The following THSD4 variants were observed in gnomAD, a reference collection of about 807,000 sequenced individuals.
THSD4 encodes thrombospondin type 1 domain containing 4, also known as thrombospondin type-1 domain-containing protein 4.
Under a neutral mutation model 119.0 loss-of-function variants are expected in THSD4, and 69 were observed. The ratio of observed to expected loss-of-function variants is 0.58; its 90% CI spans 0.48 to 0.71. The LOEUF is 0.71. THSD4 is among the 30% of genes least tolerant of loss of function. The probability of loss-of-function intolerance (pLI) is 0.00; values close to 1 mark genes in which losing one functional copy is unlikely to be tolerated. For missense variants in THSD4, 1,393 were observed against 1,391.1 expected, an observed-to-expected ratio of 1.00 and a Z score of -0.02; for synonymous variants, 524 against 540.4, an observed-to-expected ratio of 0.97 and a Z score of 0.42.
chr15:71,543,918 C>T (rs183554444), intron 7 of THSD4, among the ~76,000 whole-genome samples: 77 of 152,264 alleles, frequency 5.1e-4, no homozygotes, highest in Middle Eastern at 3.4e-3. Context: ...ATCCCAGCTA[C>T]TCGGGAGGCT....
intron 6 of THSD4, among the ~76,000 whole-genome samples, chr15:71,296,794 G>GTTGA (rs1321197413): frequency 6.6e-6 from 1 of 152,114 alleles, no homozygotes; most frequent in Non-Finnish European, 1.5e-5. Flanking sequence ...CAGTCATTTT[G>GTTGA]GTAACTTGTT....
At chr15:71,749,039 A>G (rs1227608931) in intron 14 of THSD4, among the ~76,000 whole-genome samples, 2 of 152,368 alleles carry the variant, frequency 1.3e-5, no homozygotes, top group African/African-American at 2.4e-5. Flanking sequence ...AGGCATATAT[A>G]GTCAACCATT....
intron 6 of THSD4, among the ~76,000 whole-genome samples, chr15:71,302,938 C>T (rs565913207): frequency 6.6e-6 from 1 of 152,068 alleles, no homozygotes; most frequent in African/African-American, 2.4e-5. Flanking sequence ...TACTTCCCTG[C>T]GAGTTCTTGG....
Position 71,206,647 on chromosome 15 carries a change from A to G in THSD4, c.100-8388A>G, listed in dbSNP as rs148660897. Among the ~76,000 whole-genome samples the G allele has an allele frequency of 2.8e-3, 433 of 152,324 alleles. 4 individuals carry two copies. Among genetic ancestry groups the G allele is most frequent in the African/African-American group, 9.8e-3 (406 of 41,560 alleles). ...GAATTAGAAACCAGTGAAACCTTAC[A>G]TGATTTCACATTAGTACAGAAACCA... On this transcript the variant is annotated intron_variant, in intron 3 of 17. Coordinates refer to ENST00000261862, the MANE Select transcript of THSD4 (RefSeq NM_024817.3).
chr15:71,434,488 A>G (rs1394569940), intron 7 of THSD4, among the ~76,000 whole-genome samples: 3 of 117,574 alleles, frequency 2.6e-5, no homozygotes, highest in Non-Finnish European at 3.3e-5. Flanking sequence ...TTAAGGATTG[A>G]TAGAAGTCTC....
At chr15:71,681,462 A>G (rs545240828) in intron 8 of THSD4, among the ~76,000 whole-genome samples, 2 of 151,948 alleles carry the variant, frequency 1.3e-5, no homozygotes, top group African/African-American at 4.8e-5. Context: ...GGATCACCTG[A>G]GGTCAGGCGT....
intron 4 of THSD4, among the ~76,000 whole-genome samples, chr15:71,233,857 C>G (rs969782828): frequency 1.3e-5 from 2 of 152,148 alleles, no homozygotes; most frequent in African/African-American, 4.8e-5. Flanking sequence ...TAAGCATGAT[C>G]AATTCAGGGT....
intron 7 of THSD4, among the ~76,000 whole-genome samples, chr15:71,436,616 A>G (rs907181890): frequency 1.4e-4 from 21 of 152,198 alleles, no homozygotes; most frequent in African/African-American, 4.6e-4. Context: ...TGTAGGGACC[A>G]AGGGAAAGCT....
At chr15:71,671,262 G>C (rs1010835495) in intron 8 of THSD4, among the ~76,000 whole-genome samples, 2 of 152,148 alleles carry the variant, frequency 1.3e-5, no homozygotes, top group Non-Finnish European at 2.9e-5. Context: ...TCATGTGTCT[G>C]TTGGCTGCAT....
Position 71,109,566 on chromosome 15 carries a change from C to T in THSD4, c.-80+12560C>T, listed in dbSNP as rs547561559. Among the ~76,000 whole-genome samples the T allele has an allele frequency of 6.8e-4, 104 of 152,184 alleles. 1 individual carries two copies. The highest frequency in any genetic ancestry group is 1.8e-3 in the Admixed American group (27 of 15,290). On this transcript the variant is annotated intron_variant, in intron 1 of 17. Coordinates refer to the THSD4 transcript ENST00000355327. ...GGTTCTTGCCATTCCATAGGGGAGG[C>T]GACTGCAGTTTGGAGGTTGGTGACT...
intron 6 of THSD4, among the ~76,000 whole-genome samples, chr15:71,296,572 G>A (rs1287949690): frequency 6.6e-6 from 1 of 152,162 alleles, no homozygotes; most frequent in Admixed American, 6.6e-5. Context: ...CAGGGCTGAG[G>A]GAGTTGGCCA....
chr15:71,140,215 C>T (rs2040589413), intron 1 of THSD4, among the ~76,000 whole-genome samples: 1 of 152,158 alleles, frequency 6.6e-6, no homozygotes, highest in Non-Finnish European at 1.5e-5. Flanking sequence ...GTTTATTTGG[C>T]TCCCAGTTCT....
At chr15:71,232,819 C>T (rs1451350803) in intron 4 of THSD4, among the ~76,000 whole-genome samples, 2 of 152,134 alleles carry the variant, frequency 1.3e-5, no homozygotes, top group African/African-American at 4.8e-5. Context: ...AGAAATGAGC[C>T]AGGTGGGTCT....
Position 71,702,959 on chromosome 15 carries a change from GT to G in THSD4, c.1358-25586del, listed in dbSNP as rs1190522601. 2.0e-5 allele frequency among the ~76,000 whole-genome samples: 3 copies of G among 150,176 alleles called. No individual in the cohort carries two copies. In the East Asian group the frequency reaches 5.8e-4, roughly 29 times the overall value. On this transcript the variant is annotated intron_variant, in intron 8 of 17. Coordinates refer to ENST00000261862, the MANE Select transcript of THSD4 (RefSeq NM_024817.3). ...AGTGAATGAGCAAATCTGACACCTA[GT>G]TTTGAAAGGTTTCTGACCCCTGCTC...
At chr15:71,645,367 C>T (rs528105962) in intron 7 of THSD4, among the ~76,000 whole-genome samples, 2 of 152,098 alleles carry the variant, frequency 1.3e-5, no homozygotes, top group South Asian at 2.1e-4. Context: ...GAATGAGAGC[C>T]GTGCAAAGAG....
At chr15:71,351,084 A>G (rs996878043) in intron 6 of THSD4, among the ~76,000 whole-genome samples, 2 of 152,160 alleles carry the variant, frequency 1.3e-5, no homozygotes, top group African/African-American at 4.8e-5. Context: ...GTCCTGGGGT[A>G]TCAGGTCAAT....
intron 2 of THSD4, among the ~76,000 whole-genome samples, chr15:71,143,700 C>CT (rs546375502): frequency 0.036 from 3,628 of 100,650 alleles, 86 homozygotes; most frequent in Non-Finnish European, 0.043. Flanking sequence ...TTTTTTCTTT[C>CT]TTTTTTTTTT....
chr15:71,417,847 TATTA>T lies in THSD4; in HGVS notation c.1152+6028_1152+6031del, dbSNP rs1238544544. Among the ~76,000 whole-genome samples, 2 of 108,838 alleles carry T rather than the reference TATTA, an allele frequency of 1.8e-5. 1 individual carries two copies. Among genetic ancestry groups the T allele is most frequent in the African/African-American group, 6.2e-5 (2 of 32,068 alleles). 71.4% of individuals were successfully genotyped at this position (108,838 alleles called of 152,430 possible). ...TTTGGTTTTATGGACATTTTAGCAA[TATTA>T]ATTCTTCCAATCCAGGAACACAGAA... On this transcript the variant is annotated intron_variant, in intron 7 of 17. Transcript: ENST00000261862.
chr15:71,680,405 A>G (rs1393985275), intron 8 of THSD4, among the ~76,000 whole-genome samples: 1 of 152,192 alleles, frequency 6.6e-6, no homozygotes, highest in Non-Finnish European at 1.5e-5. Context: ...CAAATCACAT[A>G]TTTGCCAAGT....
Sources: allele counts gnomAD v4.1 joint callset (sites outside exome capture counted in the v4.1 genomes callset), GRCh38; gene constraint gnomAD v4.1.1; transcripts MANE v1.5; gene names NCBI Gene and HGNC (gene_info 2026-07-23, HGNC 2026-07-21).